Variants in AGAP1 observed in about 807,000 individuals in gnomAD.
AGAP1 encodes arf-GAP with GTPase, ANK repeat and PH domain-containing protein 1.
AGAP1 carries 29 observed loss-of-function variants against 105.3 expected under a neutral mutation model. The observed-to-expected ratio is 0.28, with a 90% CI of 0.21 to 0.38. AGAP1 has a LOEUF of 0.38. AGAP1 is among the 10% of genes least tolerant of loss of function. The pLI is 1.00. For missense variants in AGAP1, 998 were observed against 1,165.1 expected (o/e 0.86, Z 2.09); for synonymous variants, 509 against 485.9 (o/e 1.05, Z -0.63).
chr2:235,815,113 C>T (rs1958376547), intron 9 of AGAP1, among the ~76,000 whole-genome samples: 1 of 152,190 alleles, frequency 6.6e-6, no homozygotes, highest in African/African-American at 2.4e-5. Context: ...CCACGCTCCC[C>T]TTTCCCATAT....
chr2:235,587,655 T>A (rs1945162643), intron 1 of AGAP1, among the ~76,000 whole-genome samples: 1 of 151,902 alleles, frequency 6.6e-6, no homozygotes, highest in South Asian at 2.1e-4. Flanking sequence ...CTCTGGAGGC[T>A]GAGGCAGGAG....
At chr2:235,912,183 A>G (rs2051650685) in intron 11 of AGAP1, among the ~76,000 whole-genome samples, 1 of 152,224 alleles carries the variant, frequency 6.6e-6, no homozygotes, top group Non-Finnish European at 1.5e-5. Flanking sequence ...CATGAACATG[A>G]ATCTGTAAAG....
At chr2:235,794,273 A>G (rs1414805094) in intron 6 of AGAP1, among the ~76,000 whole-genome samples, 1 of 152,180 alleles carries the variant, frequency 6.6e-6, no homozygotes, top group Non-Finnish European at 1.5e-5. Context: ...GTGACTTTTA[A>G]AAGAACACTG....
intron 6 of AGAP1, among the ~76,000 whole-genome samples, chr2:235,785,299 C>G (rs1232678412): frequency 6.6e-6 from 1 of 152,172 alleles, no homozygotes; most frequent in Middle Eastern, 3.4e-3. Flanking sequence ...TTCTAAACTC[C>G]TTCTTCTGTT....
rs571596755 is a variant in AGAP1, at chr2:235,937,439, A to G, written c.1483+6516A>G. On this transcript the variant is annotated intron_variant, in intron 12 of 17. Coordinates refer to ENST00000304032, the MANE Select transcript of AGAP1 (RefSeq NM_001037131.3). ...TCTCCTTAGTTCCTTCCTATCAGCT[A>G]TTTTCAGCAGTAGCTGCTGACCAGG... Among the ~76,000 whole-genome samples the G allele has an allele frequency of 1.1e-4, 17 of 152,242 alleles. No homozygotes were observed. The East Asian group carries it at 2.5e-3, about 23-fold the overall frequency.
rs1027818694 is a variant in AGAP1 at position 235,689,364 on chromosome 2, C to T, written c.164-19815C>T. Among the ~76,000 whole-genome samples the T allele has an allele frequency of 6.6e-6, 1 of 152,224 alleles. No individual in the cohort carries two copies. Among genetic ancestry groups the T allele is most frequent in the African/African-American group, 2.4e-5 (1 of 41,450 alleles). ...AGTGAGCCTGCTGCTGTTCATCGGC[C>T]CGTAGGGTCTCCAGCACAATACCGG... is the stretch of plus-strand genomic sequence containing the variant. On this transcript the variant is annotated intron_variant, in intron 1 of 17. Transcript: ENST00000304032. This position sits in a 1 kb window ranked among gnomAD's most constrained non-coding sequence, Gnocchi z 4.2.
At chr2:235,547,789 G>A (rs968766106) in intron 1 of AGAP1, among the ~76,000 whole-genome samples, 2 of 152,176 alleles carry the variant, frequency 1.3e-5, no homozygotes, top group African/African-American at 4.8e-5. Context: ...CACCATGCCC[G>A]GCCATGAGTC....
chr2:235,805,391 G>T (rs1230396618), intron 8 of AGAP1, among the ~76,000 whole-genome samples: 1 of 152,148 alleles, frequency 6.6e-6, no homozygotes, highest in Admixed American at 6.5e-5. Context: ...TGGGGGGACA[G>T]ATGAGCTGCC....
At position 235,620,421 on chromosome 2, in the gene AGAP1, C is replaced by T. The variant is rs1946440022; in HGVS notation, c.164-88758C>T. Among the ~76,000 whole-genome samples, 2 of 152,204 alleles carry T rather than the reference C, an allele frequency of 1.3e-5. No homozygotes were observed. Among genetic ancestry groups the T allele is most frequent in the African/African-American group, 2.4e-5 (1 of 41,454 alleles). ...ACCTCCTCCTGGCCCTCGCCTTCTG[C>T]CACTCTCCCCTTGCTCATGGCTCTG... On this transcript the variant is annotated intron_variant, in intron 1 of 17. Transcript: ENST00000304032. This position sits in a 1 kb window ranked among gnomAD's most constrained non-coding sequence, Gnocchi z 4.5.
In AGAP1 at chr2:235,870,854, C is replaced by A. The variant is rs138005555; in HGVS notation, c.1051-12491C>A. Reference sequence around the variant, plus strand: ...TGCAGCTTTCTCAGCCTGCTTCCTGCTGTACTTAAAGTTGAGGGCCCAGAG... The same window carrying A: ...TGCAGCTTTCTCAGCCTGCTTCCTGATGTACTTAAAGTTGAGGGCCCAGAG... On this transcript the variant is annotated intron_variant, in intron 9 of 17. Transcript: ENST00000304032. Among the ~76,000 whole-genome samples the A allele has an allele frequency of 6.3e-3, 955 of 152,328 alleles. 9 individuals are homozygous for A. The highest frequency in any genetic ancestry group is 0.01 in the Middle Eastern group (3 of 294).
rs1245763201 is a variant in AGAP1, at chr2:235,838,801, C to T, written c.1050+31470C>T. 2.0e-5 allele frequency among the ~76,000 whole-genome samples: 3 copies of T among 152,140 alleles called. No individual in the cohort carries two copies. In the East Asian group the frequency reaches 5.8e-4, roughly 29 times the overall value. On this transcript the variant is annotated intron_variant, in intron 9 of 17. Coordinates refer to ENST00000304032, the MANE Select transcript of AGAP1 (RefSeq NM_001037131.3). ...ACCTTCTAGTATTTTCTACAGATGA[C>T]ATTTAGTGAACAGAAAGCCTCTCTC...
chr2:235,700,450 A>G lies in AGAP1; in HGVS notation c.164-8729A>G, dbSNP rs1950194381. Among the ~76,000 whole-genome samples, 1 of 152,158 alleles carries G rather than the reference A, an allele frequency of 6.6e-6. No individual in the cohort carries two copies. The highest frequency in any genetic ancestry group is 2.1e-4 in the South Asian group (1 of 4,832). On this transcript the variant is annotated intron_variant, in intron 1 of 17. Coordinates refer to ENST00000304032, the MANE Select transcript of AGAP1 (RefSeq NM_001037131.3). This position sits in a 1 kb window ranked among gnomAD's most constrained non-coding sequence, Gnocchi z 6.1. ...CACGACAAGGGCGTTCTTGGGGAACACCGTGATTCTGGAGGGGTATTATGA... is the reference window on the plus strand; with the variant it reads ...CACGACAAGGGCGTTCTTGGGGAACGCCGTGATTCTGGAGGGGTATTATGA...
chr2:236,112,976 G>A (rs996362115), intron 16 of AGAP1, among the ~76,000 whole-genome samples: 8 of 152,208 alleles, frequency 5.3e-5, no homozygotes, highest in South Asian at 4.1e-4. Context: ...AGGAAAAGCC[G>A]GGTCTGTCAG....
In AGAP1 at chr2:235,934,273, A is replaced by G. The variant is rs2052876181; in HGVS notation, c.1483+3350A>G. 6.6e-6 allele frequency among the ~76,000 whole-genome samples: 1 copy of G among 152,134 alleles called. No homozygotes were observed. Among genetic ancestry groups the G allele is most frequent in the South Asian group, 2.1e-4 (1 of 4,820 alleles). On this transcript the variant is annotated intron_variant, in intron 12 of 17. Coordinates refer to ENST00000304032, the MANE Select transcript of AGAP1 (RefSeq NM_001037131.3). This position sits in a 1 kb window ranked among gnomAD's most constrained non-coding sequence, Gnocchi z 4.9. ...CTGAAGCTTGGGAACCACTGCTGTA[A>G]GTCCTCACTTCCCAAAGCCTGGTCC...
At chr2:235,854,180 A>T (rs2048590160) in intron 9 of AGAP1, among the ~76,000 whole-genome samples, 1 of 152,122 alleles carries the variant, frequency 6.6e-6, no homozygotes, top group South Asian at 2.1e-4. Flanking sequence ...TCGTGGGGTC[A>T]CCTCCAGCAA....
rs931520426 is a variant in AGAP1, at chr2:235,577,729, A to C, written c.163+82880A>C. 6.6e-6 allele frequency among the ~76,000 whole-genome samples: 1 copy of C among 152,086 alleles called. No individual in the cohort carries two copies. The highest frequency in any genetic ancestry group is 1.5e-5 in the Non-Finnish European group (1 of 68,020). ...GAAGGCTTGGCTGATTGAGCCAGTA[A>C]ACAAAAAGTGCATTCAACACAGGCT... On this transcript the variant is annotated intron_variant, in intron 1 of 17. Coordinates refer to ENST00000304032, the MANE Select transcript of AGAP1 (RefSeq NM_001037131.3). The surrounding 1 kb of genome is among the most constrained non-coding windows in gnomAD (Gnocchi z 4.5).
rs1333951424 is a variant in AGAP1 at position 235,733,868 on chromosome 2, A to G, written c.311-7095A>G. Among the ~76,000 whole-genome samples, 2 of 152,202 alleles carry G rather than the reference A, an allele frequency of 1.3e-5. No homozygotes were observed. Among genetic ancestry groups the G allele is most frequent in the Non-Finnish European group, 2.9e-5 (2 of 68,042 alleles). On this transcript the variant is annotated intron_variant, in intron 3 of 17. Transcript: ENST00000304032. This position sits in a 1 kb window ranked among gnomAD's most constrained non-coding sequence, Gnocchi z 5.0. Reference sequence around the variant, plus strand: ...AAAAAAAGTTGGGAGAGGAAGTGAAATCTGATTTGGCTAAATTTTGTAAAC... The same window carrying G: ...AAAAAAAGTTGGGAGAGGAAGTGAAGTCTGATTTGGCTAAATTTTGTAAAC...
chr2:236,024,011 G>C (rs1003937950), intron 13 of AGAP1, among the ~76,000 whole-genome samples: 3 of 143,498 alleles, frequency 2.1e-5, no homozygotes, highest in Non-Finnish European at 4.5e-5. Flanking sequence ...TCAGTAGTTT[G>C]TGGTTGGTTG....
intron 1 of AGAP1, among the ~76,000 whole-genome samples, chr2:235,651,049 C>T (rs551778738): frequency 6.6e-6 from 1 of 152,084 alleles, no homozygotes; most frequent in South Asian, 2.1e-4. Context: ...GGCATGGTGG[C>T]ATGCTCCTGT....
Sources: gnomAD v4.1 joint callset for allele counts (sites outside exome capture counted in the v4.1 genomes callset) on GRCh38, gnomAD v4.1.1 for gene constraint, Gnocchi (gnomAD v3.1) non-coding constraint, MANE v1.5 for transcripts, NCBI Gene and HGNC (gene_info 2026-07-23, HGNC 2026-07-21) for gene names.